The following HPS3 variants were observed in gnomAD, a reference collection of about 807,000 sequenced individuals.
HPS3 encodes HPS3 biogenesis of lysosomal organelles complex 2 subunit 1, also known as BLOC-2 complex member HPS3.
HPS3 carries 79 observed loss-of-function variants against 110.9 expected under a neutral mutation model. The observed-to-expected ratio is 0.71, with a 90% CI of 0.59 to 0.86. The LOEUF (loss-of-function observed/expected upper bound fraction) is 0.86, where lower values mean the gene tolerates loss of function less well. Among genes scored for constraint, HPS3 ranks in the 40% least tolerant of loss-of-function variants. HPS3 has a pLI of 0.00. For synonymous variants in HPS3, 428 were observed against 451.0 expected (o/e 0.95, Z 0.65); for missense variants, 1,197 against 1,206.2 (o/e 0.99, Z 0.11).
At position 149,158,927 on chromosome 3, in the gene HPS3, G is replaced by A. The variant is rs1004567041; in HGVS notation, c.1872+81G>A. 47 of 965,278 alleles carry A rather than the reference G, an allele frequency of 4.9e-5. No individual in the cohort carries two copies. In the African/African-American group the frequency reaches 7.3e-4, roughly 15 times the overall value. The allele number at this position is 965,278 out of a possible 1,614,324, so 59.8% of individuals were successfully genotyped here. ...TTATTTTATGTAGTACTGTTTAGAA[G>A]TCAGATTCCAAATATTTTTCTTCTT... On this transcript the variant is annotated intron_variant, in intron 10 of 16. Coordinates refer to ENST00000296051, the MANE Select transcript of HPS3 (RefSeq NM_032383.5).
intron 5 of HPS3, among the ~76,000 whole-genome samples, chr3:149,148,191 C>T (rs990321772): frequency 2.6e-5 from 4 of 151,738 alleles, no homozygotes; most frequent in Non-Finnish European, 4.4e-5. Context: ...TTATTTTACC[C>T]GATAGATAAA....
Position 149,172,183 on chromosome 3 carries a change from A to G in HPS3, c.2976A>G (p.Pro992=), listed in dbSNP as rs1374369504. 7 of 1,613,716 alleles carry G rather than the reference A, an allele frequency of 4.3e-6. No individual in the cohort carries two copies. The highest frequency in any genetic ancestry group is 5.9e-6 in the Non-Finnish European group (7 of 1,179,676). Residue 992 remains proline, a synonymous_variant, in exon 17 of 17, where the codon CCA becomes CCG. Coordinates refer to ENST00000296051, the MANE Select transcript of HPS3 (RefSeq NM_032383.5). The part of the protein sequence containing the change: ...PEDGTATFFL[P]YLLYCSRKKP... ...ATGGTACTGCAACATTTTTCTTGCC[A>G]TATCTTCTCTATTGCAGTCGAAAGA...
chr3:149,155,539 T>G (rs1170914335), intron 8 of HPS3, among the ~76,000 whole-genome samples: 2 of 152,022 alleles, frequency 1.3e-5, no homozygotes, highest in African/African-American at 4.8e-5. Flanking sequence ...AGCAAATAAA[T>G]AAATAAATAA....
rs1388827451 is a variant in HPS3, at chr3:149,173,490, AC to A, written c.*1270del. ...TTAGACTGTATGAATCAGTTTTATT[AC>A]CTAGTGTACAAGTGTCAGTCATGTA... On this transcript the variant is annotated 3_prime_UTR_variant, in exon 17 of 17. Coordinates refer to ENST00000296051, the MANE Select transcript of HPS3 (RefSeq NM_032383.5). 2.6e-6 allele frequency: 1 copy of A among 389,624 alleles called. No individual in the cohort carries two copies. The highest frequency in any genetic ancestry group is 2.1e-5 in the African/African-American group (1 of 47,638). 24.1% of individuals were successfully genotyped at this position (389,624 alleles called of 1,614,324 possible). A position where few individuals can be genotyped will look rare whatever the true frequency, so the allele number is the denominator to read the frequency against.
rs1576681463 is a variant in HPS3 at position 149,153,381 on chromosome 3, G to A, written c.1246-113G>A. On this transcript the variant is annotated intron_variant, in intron 6 of 16. Transcript: ENST00000296051. ...GTTTGTTTGTTTTTTGGTGGTGGTGGGTATGGGATGGTGGCAGCAGAAGAG... is the reference window on the plus strand; with the variant it reads ...GTTTGTTTGTTTTTTGGTGGTGGTGAGTATGGGATGGTGGCAGCAGAAGAG... 5.7e-6 allele frequency: 5 copies of A among 873,378 alleles called. No individual in the cohort carries two copies. In the East Asian group the frequency reaches 1.2e-4, roughly 21 times the overall value. 54.1% of individuals were successfully genotyped at this position (873,378 alleles called of 1,614,324 possible). A position where few individuals can be genotyped will look rare whatever the true frequency, so the allele number is the denominator to read the frequency against.
intron 4 of HPS3, among the ~76,000 whole-genome samples, chr3:149,143,384 A>G (rs772905): frequency 0.54 from 82,453 of 151,982 alleles, 22,765 homozygotes; most frequent in South Asian, 0.67. Flanking sequence ...CTGAAGTGTA[A>G]CTTCATGACG....
At chr3:149,161,241 TAG>T (rs1422281801) in intron 11 of HPS3, among the ~76,000 whole-genome samples, 1 of 152,226 alleles carries the variant, frequency 6.6e-6, no homozygotes, top group East Asian at 1.9e-4. Flanking sequence ...TAAGATATAT[TAG>T]TCATCACTTG....
chr3:149,146,736 G>A (rs1332977927), intron 5 of HPS3, among the ~76,000 whole-genome samples: 1 of 152,198 alleles, frequency 6.6e-6, no homozygotes, highest in African/African-American at 2.4e-5. Flanking sequence ...TTTCTTAAGT[G>A]AACAATGTGG....
intron 10 of HPS3, 21 bp from the exon 11 acceptor site, chr3:149,160,023 TTA>T (rs1156792445): frequency 6.3e-7 from 1 of 1,582,702 alleles, no homozygotes; most frequent in African/African-American, 1.3e-5. Flanking sequence ...TTTATTCCTT[TTA>T]TTCCTTCGTG....
At chr3:149,159,927 ATTTT>A (rs1559920559) in intron 10 of HPS3, 115 bp from the exon 11 acceptor site, 4 of 751,302 alleles carry the variant, frequency 5.3e-6, no homozygotes, top group Non-Finnish European at 9.5e-6. Context: ...TAATACTATA[ATTTT>A]ATCTTACTTG....
Position 149,172,700 on chromosome 3 carries a change from T to G in HPS3, c.*478T>G, listed in dbSNP as rs1265946142. 2 of 153,528 alleles carry G rather than the reference T, an allele frequency of 1.3e-5. No homozygotes were observed. Among genetic ancestry groups the G allele is most frequent in the Non-Finnish European group, 2.9e-5 (2 of 68,744 alleles). 9.5% of individuals were successfully genotyped at this position (153,528 alleles called of 1,614,324 possible). On this transcript the variant is annotated 3_prime_UTR_variant, in exon 17 of 17. Transcript: ENST00000296051. ...TATGTTTTTGAGAAAGATGTTAATG[T>G]TTTGCCATGGTAAAAGATTTCAAAC... is the stretch of plus-strand genomic sequence containing the variant.
intron 5 of HPS3, among the ~76,000 whole-genome samples, chr3:149,148,333 A>C (rs1243621932): frequency 6.6e-6 from 1 of 151,954 alleles, no homozygotes; most frequent in African/African-American, 2.4e-5. Context: ...TGCCAACTTT[A>C]TAGAAACGTG....
intron 10 of HPS3, 120 bp downstream of exon 10, chr3:149,158,966 C>A: frequency 2.9e-6 from 2 of 701,316 alleles, no homozygotes; most frequent in South Asian, 3.8e-5. Context: ...TACTCTTTTT[C>A]TAAAAAAGTA....
At chr3:149,166,539 C>CT (rs945065950) in intron 14 of HPS3, among the ~76,000 whole-genome samples, 1 of 152,122 alleles carries the variant, frequency 6.6e-6, no homozygotes, top group African/African-American at 2.4e-5. Flanking sequence ...TTATCATAAA[C>CT]TTTTTTTATT....
At chr3:149,139,829 T>C (rs950670988) in intron 1 of HPS3, among the ~76,000 whole-genome samples, 175 bp from the exon 2 acceptor site, 2 of 152,210 alleles carry the variant, frequency 1.3e-5, no homozygotes, top group Non-Finnish European at 2.9e-5. Flanking sequence ...TTTCAGAACC[T>C]CAAAGCCTAA....
intron 11 of HPS3, 46 bp from the exon 12 acceptor site, chr3:149,162,102 T>G: frequency 6.8e-7 from 1 of 1,478,294 alleles, no homozygotes; most frequent in East Asian, 2.3e-5. Context: ...ATGGACAATC[T>G]AAATACAATG....
At chr3:149,131,108 G>T (rs1375191336) in intron 1 of HPS3, among the ~76,000 whole-genome samples, 1 of 142,664 alleles carries the variant, frequency 7.0e-6, no homozygotes, top group Non-Finnish European at 1.5e-5. Flanking sequence ...AAACCTTGGG[G>T]TCTGAGTTTA....
intron 14 of HPS3, chr3:149,166,002 G>A (rs961443379): frequency 1.5e-5 from 7 of 456,192 alleles, no homozygotes; most frequent in South Asian, 9.3e-5. Flanking sequence ...CACACTGACT[G>A]TGATTGGGTA....
At position 149,129,851 on chromosome 3, in the gene HPS3, C is replaced by T. The variant is rs1721640874; in HGVS notation, c.128C>T (p.Ala43Val). 2 of 1,602,032 alleles carry T rather than the reference C, an allele frequency of 1.2e-6. No homozygotes were observed. Among genetic ancestry groups the T allele is most frequent in the South Asian group, 2.2e-5 (2 of 90,556 alleles). The change falls in exon 1 of 17, where the codon GCG (alanine) becomes GTG (valine). Residue 43 changes from alanine (A) to valine (V), a missense_variant. Ala to Val is a moderately conservative substitution (Grantham distance 64, BLOSUM62 0). Coordinates refer to ENST00000296051, the MANE Select transcript of HPS3 (RefSeq NM_032383.5). ...GTGGCGGCGGGCTGCAAGGTGGAGG[C>T]GTTCGCGGTGGCCGGCCAGGAGCTG... ...LFVAAGCKVE[A>V]FAVAGQELCQ...
Sources: allele counts gnomAD v4.1 joint callset (sites outside exome capture counted in the v4.1 genomes callset), GRCh38; gene constraint gnomAD v4.1.1; transcripts MANE v1.5; gene names NCBI Gene and HGNC (gene_info 2026-07-23, HGNC 2026-07-21).